IL1RAPL2: variants seen among roughly 807,000 people sequenced by gnomAD.
IL1RAPL2 encodes the protein interleukin 1 receptor accessory protein like 2, also known as X-linked interleukin-1 receptor accessory protein-like 2.
A neutral mutation model predicts 44.1 loss-of-function variants in IL1RAPL2; 3 were observed. The observed-to-expected ratio is 0.07, with a 90% confidence interval of 0.03 to 0.18. The LOEUF (loss-of-function observed/expected upper bound fraction) is 0.18, where lower values mean the gene tolerates loss of function less well. Among genes scored for constraint, IL1RAPL2 ranks in the 10% least tolerant of loss-of-function variants. The pLI is 1.00. For missense variants in IL1RAPL2, 391 were observed against 496.4 expected (o/e 0.79, Z 2.02); for synonymous variants, 181 against 178.8 (o/e 1.01, Z -0.10).
intron 2 of IL1RAPL2, among the ~76,000 whole-genome samples, chrX:104,767,035 T>A (rs968650510): frequency 8.9e-6 from 1 of 112,033 alleles, no homozygotes; most frequent in African/African-American, 3.2e-5. Context: ...GTGTACCCTG[T>A]TTGCTTTTCC....
At chrX:104,730,852 G>A (rs1210419312) in intron 2 of IL1RAPL2, among the ~76,000 whole-genome samples, 1 of 110,616 alleles carries the variant, frequency 9.0e-6, no homozygotes, top group African/African-American at 3.3e-5. Flanking sequence ...GTGTAAAAGT[G>A]TTCCTATTTC....
chrX:105,360,140 A>G (rs1307514151), intron 5 of IL1RAPL2, among the ~76,000 whole-genome samples: 2 of 111,514 alleles, frequency 1.8e-5, no homozygotes, highest in African/African-American at 6.5e-5. Context: ...TGGGATAAGT[A>G]ATTTTGTCTG....
At chrX:105,037,076 T>G (rs1291896137) in intron 2 of IL1RAPL2, among the ~76,000 whole-genome samples, 2 of 111,763 alleles carry the variant, frequency 1.8e-5, no homozygotes, top group Non-Finnish European at 3.8e-5. Flanking sequence ...CATAAATTTT[T>G]TGAGAATCTC....
At chrX:104,617,727 T>A (rs951687419) in intron 1 of IL1RAPL2, among the ~76,000 whole-genome samples, 1 of 112,128 alleles carries the variant, frequency 8.9e-6, no homozygotes, top group Non-Finnish European at 1.9e-5. Context: ...AAAATGTTTA[T>A]CTCTTCCTTC....
chrX:105,697,410 G>C (rs1029305371), intron 6 of IL1RAPL2, among the ~76,000 whole-genome samples: 3 of 111,232 alleles, frequency 2.7e-5, no homozygotes, highest in African/African-American at 9.8e-5. Context: ...GTGGGAGAAA[G>C]AATAATGAGA....
chrX:105,748,403 A>G (rs1392569026), intron 8 of IL1RAPL2, among the ~76,000 whole-genome samples: 2 of 112,117 alleles, frequency 1.8e-5, no homozygotes, highest in Non-Finnish European at 3.8e-5. Flanking sequence ...AGTAGGGGAA[A>G]TGGATAAGCT....
rs146320021 is a variant in IL1RAPL2, at chrX:105,556,199, G to A, written c.772+71812G>A. Among the ~76,000 whole-genome samples, 527 of 111,789 alleles carry A rather than the reference G, an allele frequency of 4.7e-3. 5 individuals carry two copies. The highest frequency in any genetic ancestry group is 0.016 in the African/African-American group (486 of 30,826). On this transcript the variant is annotated intron_variant, in intron 6 of 10. Transcript: ENST00000372582. ...ATAGGGGGACAGTACGAGAAGCTTT[G>A]TATACCTCCTATTCCCTTGGCCTTT...
Position 105,447,032 on chromosome X carries a change from C to T in IL1RAPL2, c.698-37281C>T, listed in dbSNP as rs373680819. ...TTGTCTGCGAAGGTCTTCATTTCTC[C>T]GTCATGCTTCATACATGCTTAGAAT... is the stretch of plus-strand genomic sequence containing the variant. On this transcript the variant is annotated intron_variant, in intron 5 of 10. Coordinates refer to ENST00000372582, the MANE Select transcript of IL1RAPL2 (RefSeq NM_017416.2). Among the ~76,000 whole-genome samples, 6 of 75,260 alleles carry T rather than the reference C, an allele frequency of 8.0e-5. No homozygotes were observed. In the East Asian group the frequency reaches 1.3e-3, roughly 17 times the overall value. 65.4% of individuals were successfully genotyped at this position (75,260 alleles called of 115,157 possible).
At chrX:104,932,219 G>A (rs952466647) in intron 2 of IL1RAPL2, among the ~76,000 whole-genome samples, 42 of 108,838 alleles carry the variant, frequency 3.9e-4, no homozygotes, top group Admixed American at 1.3e-3. Flanking sequence ...GGCTGGTCTC[G>A]AACTGCTGAC....
intron 2 of IL1RAPL2, among the ~76,000 whole-genome samples, chrX:105,031,780 C>T (rs1211920940): frequency 9.1e-6 from 1 of 110,158 alleles, no homozygotes; most frequent in Non-Finnish European, 1.9e-5. Context: ...GGGAGGATTC[C>T]CTCTTTTTCA....
intron 5 of IL1RAPL2, among the ~76,000 whole-genome samples, chrX:105,275,226 T>G (rs1377051298): frequency 4.7e-5 from 5 of 107,518 alleles, no homozygotes; most frequent in African/African-American, 1.7e-4. Flanking sequence ...AAAAAAGCGG[T>G]GGGGGAATGG....
intron 2 of IL1RAPL2, among the ~76,000 whole-genome samples, chrX:105,063,952 A>G (rs2032105723): frequency 8.9e-6 from 1 of 112,099 alleles, no homozygotes; most frequent in Admixed American, 9.4e-5. Flanking sequence ...TGATACAAGC[A>G]TCCCTGTGGC....
At chrX:105,423,143 A>G (rs778141605) in intron 5 of IL1RAPL2, among the ~76,000 whole-genome samples, 1 of 111,715 alleles carries the variant, frequency 9.0e-6, no homozygotes, top group East Asian at 2.8e-4. Flanking sequence ...ATATGTATAC[A>G]AACACGGTGC....
chrX:105,600,528 TTAA>T (rs1460692950), intron 6 of IL1RAPL2, among the ~76,000 whole-genome samples: 5 of 108,704 alleles, frequency 4.6e-5, no homozygotes, highest in African/African-American at 1.7e-4. Flanking sequence ...AATAATTTAA[TTAA>T]TAATGAATAA....
intron 6 of IL1RAPL2, among the ~76,000 whole-genome samples, chrX:105,690,800 T>C (rs1373310601): frequency 9.0e-6 from 1 of 111,704 alleles, no homozygotes; most frequent in African/African-American, 3.3e-5. Flanking sequence ...CACCCAAACA[T>C]AGCAAAATAT....
chrX:104,794,572 G>A (rs753008779), intron 2 of IL1RAPL2, among the ~76,000 whole-genome samples: 2 of 111,769 alleles, frequency 1.8e-5, no homozygotes, highest in Admixed American at 9.5e-5. Context: ...CCTACACCTT[G>A]GGGATACAGA....
chrX:105,312,970 A>G (rs995195596), intron 5 of IL1RAPL2, among the ~76,000 whole-genome samples: 22 of 112,127 alleles, frequency 2.0e-4, no homozygotes, highest in African/African-American at 6.1e-4. Flanking sequence ...CAATTAAATG[A>G]ACAAGAGGTA....
chrX:105,408,173 A>G (rs1225966586), intron 5 of IL1RAPL2, among the ~76,000 whole-genome samples: 1 of 112,409 alleles, frequency 8.9e-6, no homozygotes, highest in African/African-American at 3.2e-5. Context: ...AAGTAAAAAT[A>G]AAGGCATTTG....
chrX:105,025,097 T>C (rs991189638), intron 2 of IL1RAPL2, among the ~76,000 whole-genome samples: 1 of 110,892 alleles, frequency 9.0e-6, no homozygotes. Flanking sequence ...ATACCTTTTT[T>C]TGTTCCTGCT....
Sources: gnomAD v4.1 joint callset for allele counts (sites outside exome capture counted in the v4.1 genomes callset) on GRCh38, gnomAD v4.1.1 for gene constraint, MANE v1.5 for transcripts, NCBI Gene and HGNC (gene_info 2026-07-23, HGNC 2026-07-21) for gene names.